The following TRPM6 variants were observed in gnomAD, a reference collection of about 807,000 sequenced individuals.
The protein encoded by TRPM6 is transient receptor potential cation channel subfamily M member 6.
TRPM6 carries 111 observed loss-of-function variants against 247.6 expected under a neutral mutation model. The observed-to-expected ratio is 0.45, with a 90% confidence interval of 0.38 to 0.52. The LOEUF (loss-of-function observed/expected upper bound fraction) is 0.52. Ranked by LOEUF, TRPM6 falls within the 20% of genes least tolerant of loss-of-function variation. TRPM6 has a pLI of 0.00. For synonymous variants in TRPM6, 892 were observed against 853.8 expected (o/e 1.04, Z -0.78); for missense variants, 2,126 against 2,421.5 (o/e 0.88, Z 2.56).
intron 25 of TRPM6, among the ~76,000 whole-genome samples, chr9:74,770,254 C>T (rs1258767493): frequency 4.6e-5 from 7 of 152,036 alleles, no homozygotes; most frequent in African/African-American, 1.4e-4. Flanking sequence ...TTTAAGGATT[C>T]ACATCTCTCT....
intron 1 of TRPM6, among the ~76,000 whole-genome samples, chr9:74,859,242 T>C (rs545964643): frequency 3.3e-5 from 5 of 152,238 alleles, no homozygotes; most frequent in South Asian, 4.2e-4. Context: ...AGTTTTACCA[T>C]TGGGTGTGTT....
chr9:74,764,716 T>C (rs150679379), intron 25 of TRPM6, among the ~76,000 whole-genome samples: 25 of 152,224 alleles, frequency 1.6e-4, no homozygotes, highest in African/African-American at 6.0e-4. Context: ...GTTGATTACA[T>C]AAAAAGAAAC....
chr9:74,838,679 T>C (rs1395536283), intron 5 of TRPM6, among the ~76,000 whole-genome samples: 5 of 152,212 alleles, frequency 3.3e-5, no homozygotes, highest in Admixed American at 3.3e-4. Flanking sequence ...TGAGTAGCTC[T>C]AGTTGAGATA....
chr9:74,726,975 G>C (rs1825351257), intron 38 of TRPM6, among the ~76,000 whole-genome samples: 4 of 152,164 alleles, frequency 2.6e-5, no homozygotes, highest in African/African-American at 9.7e-5. Flanking sequence ...CCAGTTGTGA[G>C]AGTTATGGCC....
rs1470921896 is a variant in TRPM6 at position 74,851,762 on chromosome 9, A to AT, written c.152+3764_152+3765insA. ...AGACTTTGTCTCAAAAAAAAAAAAA[A>AT]AATATATATATATAATACATATATA... On this transcript the variant is annotated intron_variant, in intron 3 of 38. Transcript: ENST00000360774. Among the ~76,000 whole-genome samples, 468 of 116,576 alleles carry AT rather than the reference A, an allele frequency of 4.0e-3. 1 individual carries two copies. Among genetic ancestry groups the AT allele is most frequent in the African/African-American group, 0.013 (437 of 33,086 alleles). The allele number at this position is 116,576 out of a possible 152,430, so 76.5% of individuals were successfully genotyped here.
chr9:74,752,632 A>G (rs1826289608), intron 28 of TRPM6, among the ~76,000 whole-genome samples: 1 of 152,226 alleles, frequency 6.6e-6, no homozygotes, highest in Admixed American at 6.5e-5. Context: ...CAAGAATTAA[A>G]TGATCCATAA....
chr9:74,799,429 G>T (rs1384910636), intron 17 of TRPM6, among the ~76,000 whole-genome samples: 1 of 151,692 alleles, frequency 6.6e-6, no homozygotes, highest in Non-Finnish European at 1.5e-5. Flanking sequence ...AATTATTCTT[G>T]ATAATTTAAG....
intron 3 of TRPM6, among the ~76,000 whole-genome samples, chr9:74,853,427 T>C (rs1336676045): frequency 1.3e-5 from 2 of 152,064 alleles, no homozygotes; most frequent in Non-Finnish European, 2.9e-5. Flanking sequence ...AAGGGGGAAA[T>C]GTGGGGAAAA....
rs200091579 is a variant in TRPM6 at position 74,799,571 on chromosome 9, CAT to C, written c.2238+681_2238+682del. Among the ~76,000 whole-genome samples, 690 of 103,658 alleles carry C rather than the reference CAT, an allele frequency of 6.7e-3. 13 individuals carry two copies. The highest frequency in any genetic ancestry group is 0.035 in the Admixed American group (403 of 11,474). 68.0% of individuals were successfully genotyped at this position (103,658 alleles called of 152,430 possible). A position where few individuals can be genotyped will look rare whatever the true frequency, so the allele number is the denominator to read the frequency against. ...ACATACACACACACACACACACACACATTGGGTAAGCAGAACAACAGAAGTTA... is the reference window on the plus strand; with the variant it reads ...ACATACACACACACACACACACACACTGGGTAAGCAGAACAACAGAAGTTA... On this transcript the variant is annotated intron_variant, in intron 17 of 38. Transcript: ENST00000360774.
In TRPM6 at chr9:74,873,611, C is replaced by T. The variant is rs188835027; in HGVS notation, c.33+14213G>A. Among the ~76,000 whole-genome samples the T allele has an allele frequency of 2.2e-3, 335 of 152,206 alleles. 1 individual carries two copies. The highest frequency in any genetic ancestry group is 7.7e-3 in the African/African-American group (319 of 41,530). ...GACTTGTTTCCACAGGATGCAATTTCGGGAGACTCTTTTCTAAGAGATTTC... is the reference window on the plus strand; with the variant it reads ...GACTTGTTTCCACAGGATGCAATTTTGGGAGACTCTTTTCTAAGAGATTTC... On this transcript the variant is annotated intron_variant, in intron 1 of 38. Coordinates refer to ENST00000360774, the MANE Select transcript of TRPM6 (RefSeq NM_017662.5).
At chr9:74,822,271 A>G (rs1169965403) in intron 7 of TRPM6, among the ~76,000 whole-genome samples, 1 of 152,244 alleles carries the variant, frequency 6.6e-6, no homozygotes, top group East Asian at 1.9e-4. Context: ...TTTATATAAG[A>G]CAAGGTCTCA....
In TRPM6 at chr9:74,739,417, C is replaced by G. The variant is rs1587456160; in HGVS notation, c.5520G>C (p.Leu1840Phe). The stretch of plus-strand genomic sequence containing the variant: ...GTTTCACTTGGTTGAAGGTATAGAT[C>G]AATTTTTGAGCAGCTCTTTGTTGTT... ...EIQQQRAAQK[L>F]IYTFNQVKPQ... Residue 1840 changes from leucine (L) to phenylalanine (F), a missense_variant, in exon 35 of 39, where the codon TTG becomes TTC. By Grantham distance (22) the Leu-to-Phe change is conservative. Coordinates refer to ENST00000360774, the MANE Select transcript of TRPM6 (RefSeq NM_017662.5). 1 of 1,614,054 alleles carries G rather than the reference C, an allele frequency of 6.2e-7. No homozygotes were observed. Among genetic ancestry groups the G allele is most frequent in the Non-Finnish European group, 8.5e-7 (1 of 1,179,992 alleles).
At chr9:74,872,076 C>T (rs1831046700) in intron 1 of TRPM6, among the ~76,000 whole-genome samples, 1 of 152,034 alleles carries the variant, frequency 6.6e-6, no homozygotes, top group Admixed American at 6.6e-5. Context: ...TGGTCTCAAA[C>T]TCCTGACCTC....
intron 25 of TRPM6, among the ~76,000 whole-genome samples, chr9:74,771,145 A>T (rs182936807): frequency 6.6e-6 from 1 of 151,830 alleles, no homozygotes; most frequent in South Asian, 2.1e-4. Context: ...GCGCTATTCC[A>T]CCAGACGCCC....
rs1829010046 is a variant in TRPM6 at position 74,818,223 on chromosome 9, G to A, written c.1135-1259C>T. 2.0e-5 allele frequency among the ~76,000 whole-genome samples: 3 copies of A among 149,712 alleles called. No individual in the cohort carries two copies. In the South Asian group the frequency reaches 6.4e-4, roughly 32 times the overall value. On this transcript the variant is annotated intron_variant, in intron 9 of 38. Transcript: ENST00000360774. The stretch of plus-strand genomic sequence containing the variant: ...TTTTCTTAACTTACTGATTACTGTG[G>A]CAAATAGAAAGTGCAATAGACTAAG...
At position 74,780,364 on chromosome 9, in the gene TRPM6, C is replaced by T. The variant is rs142736624; in HGVS notation, c.3209+1998G>A. On this transcript the variant is annotated intron_variant, in intron 23 of 38. Coordinates refer to ENST00000360774, the MANE Select transcript of TRPM6 (RefSeq NM_017662.5). Reference sequence around the variant, plus strand: ...AGCCACTTGGGAGGCTGAGGTAGGACACCTGCTTGAACCTGGGAGGCAGAG... The same window carrying T: ...AGCCACTTGGGAGGCTGAGGTAGGATACCTGCTTGAACCTGGGAGGCAGAG... 5.0e-3 allele frequency among the ~76,000 whole-genome samples: 765 copies of T among 151,722 alleles called. 5 individuals are homozygous for T. The highest frequency in any genetic ancestry group is 0.017 in the African/African-American group (707 of 41,406).
At chr9:74,766,957 T>C (rs1015728383) in intron 25 of TRPM6, among the ~76,000 whole-genome samples, 1 of 152,032 alleles carries the variant, frequency 6.6e-6, no homozygotes, top group African/African-American at 2.4e-5. Context: ...ACATGGCCCA[T>C]GAAAATGTCA....
At chr9:74,879,168 C>A (rs1459966007) in intron 1 of TRPM6, among the ~76,000 whole-genome samples, 2 of 151,626 alleles carry the variant, frequency 1.3e-5, no homozygotes, top group African/African-American at 4.8e-5. Flanking sequence ...TTAAAGAATT[C>A]TCTGAATGAA....
intron 3 of TRPM6, among the ~76,000 whole-genome samples, chr9:74,852,326 G>A (rs1830350522): frequency 6.6e-6 from 1 of 151,470 alleles, no homozygotes; most frequent in South Asian, 2.1e-4. Flanking sequence ...TGAGTAGCTA[G>A]GACTACAAGC....
Sources: allele counts gnomAD v4.1 joint callset (sites outside exome capture counted in the v4.1 genomes callset), GRCh38; gene constraint gnomAD v4.1.1; transcripts MANE v1.5; gene names NCBI Gene and HGNC (gene_info 2026-07-23, HGNC 2026-07-21).